The following PVT1 variants were observed in gnomAD, a reference collection of about 807,000 sequenced individuals.
PVT1 encodes the protein Pvt1 oncogene, also known as CXCR4/PVT1 fusion.
At chr8:127,932,380 A>G in intron 3 of PVT1, 1 of 398,566 alleles carries the variant, frequency 2.5e-6, no homozygotes, top group Non-Finnish European at 4.4e-6. Flanking sequence ...GGGAAGTCTG[A>G]GATGGATTAC....
intron 3 of PVT1, among the ~76,000 whole-genome samples, chr8:127,910,325 ATAATAAATT>A (rs1815879309): frequency 6.6e-6 from 1 of 152,228 alleles, no homozygotes; most frequent in East Asian, 1.9e-4. Context: ...TTTTTGTTCC[ATAATAAATT>A]TATTAGCTTT....
intron 4 of PVT1, among the ~76,000 whole-genome samples, chr8:128,025,815 C>T (rs1586486815): frequency 6.6e-6 from 1 of 152,316 alleles, no homozygotes; most frequent in East Asian, 1.9e-4. Flanking sequence ...GTGAATGGAG[C>T]ATTCTTTTTA....
chr8:127,807,412 C>T (rs573406543), intron 2 of PVT1, among the ~76,000 whole-genome samples: 1 of 152,304 alleles, frequency 6.6e-6, no homozygotes, highest in South Asian at 2.1e-4. Context: ...TGGCTCACTG[C>T]AGCCTCTACT....
chr8:127,881,092 C>T (rs73357048), intron 2 of PVT1, among the ~76,000 whole-genome samples: 2,715 of 152,326 alleles, frequency 0.018, 83 homozygotes, highest in African/African-American at 0.062. Flanking sequence ...TGGTTCTATA[C>T]TGGCTGCTTG....
chr8:127,947,801 T>C (rs1479491657), intron 3 of PVT1: 1 of 456,416 alleles, frequency 2.2e-6, no homozygotes, highest in African/African-American at 2.0e-5. Flanking sequence ...TTACAAATAC[T>C]ATGAAACAGG....
chr8:127,895,690 A>G (rs1586425905), intron 3 of PVT1, among the ~76,000 whole-genome samples: 1 of 152,330 alleles, frequency 6.6e-6, no homozygotes, highest in Middle Eastern at 3.4e-3. Flanking sequence ...TGAGTGAGTT[A>G]CTAAAATTTA....
chr8:127,978,066 A>G (rs182551056), intron 3 of PVT1, among the ~76,000 whole-genome samples: 2 of 152,302 alleles, frequency 1.3e-5, no homozygotes, highest in African/African-American at 2.4e-5. Context: ...CTTCTCTTGC[A>G]TGCTTACTTC....
chr8:127,970,085 C>G (rs1327521199), intron 3 of PVT1, among the ~76,000 whole-genome samples: 1 of 152,240 alleles, frequency 6.6e-6, no homozygotes, highest in Admixed American at 6.5e-5. Flanking sequence ...TGCCCAACCC[C>G]CCTTTGGCTC....
chr8:127,998,077 G>A (rs1817127873), intron 4 of PVT1: 1 of 152,226 alleles, frequency 6.6e-6, no homozygotes, highest in Admixed American at 6.5e-5. Flanking sequence ...CCATCAGCAT[G>A]ACCTATCACT....
intron 3 of PVT1, among the ~76,000 whole-genome samples, chr8:127,943,392 A>G (rs1474465378): frequency 6.6e-6 from 1 of 152,210 alleles, no homozygotes; most frequent in Non-Finnish European, 1.5e-5. Flanking sequence ...TACTTTATTG[A>G]ATTGATTAAT....
At chr8:127,961,430 T>C (rs1010701187) in intron 3 of PVT1, among the ~76,000 whole-genome samples, 1 of 152,178 alleles carries the variant, frequency 6.6e-6, no homozygotes, top group Non-Finnish European at 1.5e-5. Context: ...GTGTCCAGCT[T>C]AGGCCACTGA....
chr8:127,893,068 G>A (rs560022041), intron 3 of PVT1, among the ~76,000 whole-genome samples: 4 of 152,246 alleles, frequency 2.6e-5, no homozygotes, highest in Admixed American at 2.6e-4. Context: ...AGTGGGCTCA[G>A]ACACCAAAGG....
intron 5 of PVT1, among the ~76,000 whole-genome samples, chr8:128,073,317 T>G (rs1814022634): frequency 6.6e-6 from 1 of 152,150 alleles, no homozygotes; most frequent in African/African-American, 2.4e-5. Flanking sequence ...TCTTTTAATT[T>G]TATTGTTTTT....
chr8:127,863,626 G>C (rs1165427166), intron 2 of PVT1, among the ~76,000 whole-genome samples: 1 of 152,242 alleles, frequency 6.6e-6, no homozygotes, highest in African/African-American at 2.4e-5. Context: ...TTAGGTGTGT[G>C]CTTGTGGGAA....
rs148889647 is a variant in PVT1 at position 127,867,953 on chromosome 8, C to T, written n.373-22636C>T. Among the ~76,000 whole-genome samples, 68 of 152,348 alleles carry T rather than the reference C, an allele frequency of 4.5e-4. No homozygotes were observed. The East Asian group carries it at 0.012, about 26-fold the overall frequency. ...CAAAGGAAAACATAACAAGAGGCAACAGCACAGCCCCCGGGGCATGAGGCT... is the reference window on the plus strand; with the variant it reads ...CAAAGGAAAACATAACAAGAGGCAATAGCACAGCCCCCGGGGCATGAGGCT... On this transcript the variant is annotated intron_variant and non_coding_transcript_variant, in intron 2 of 10. Transcript: ENST00000651587.
At chr8:127,992,338 T>C (rs6983007) in intron 4 of PVT1, among the ~76,000 whole-genome samples, 8,871 of 152,250 alleles carry the variant, frequency 0.058, 843 homozygotes, top group African/African-American at 0.2. Flanking sequence ...TTAGCCAAGA[T>C]TGTGCCACTG....
At chr8:127,963,689 T>C (rs1816672061) in intron 3 of PVT1, among the ~76,000 whole-genome samples, 1 of 152,120 alleles carries the variant, frequency 6.6e-6, no homozygotes, top group South Asian at 2.1e-4. Context: ...ATGTACTATG[T>C]GTCAGGCATG....
intron 4 of PVT1, among the ~76,000 whole-genome samples, chr8:128,040,895 T>C (rs572416686): frequency 9.3e-6 from 1 of 107,522 alleles, no homozygotes; most frequent in South Asian, 3.2e-4. Context: ...TTTGTGTGTA[T>C]ATGTTTGTGC....
chr8:127,993,602 C>T (rs959607639), intron 4 of PVT1, among the ~76,000 whole-genome samples: 5 of 152,234 alleles, frequency 3.3e-5, no homozygotes, highest in African/African-American at 7.2e-5. Context: ...TCTCTGTCTG[C>T]TTCCAGCTTT....
Sources: gnomAD v4.1 joint callset for allele counts (sites outside exome capture counted in the v4.1 genomes callset) on GRCh38, gnomAD v4.1.1 for gene constraint, MANE v1.5 for transcripts, NCBI Gene and HGNC (gene_info 2026-07-23, HGNC 2026-07-21) for gene names.